SLC14A2: variants seen among roughly 807,000 people sequenced by gnomAD.
SLC14A2 encodes the protein solute carrier family 14 member 2.
A neutral mutation model predicts 104.6 loss-of-function variants in SLC14A2; 91 were observed. The ratio of observed to expected loss-of-function variants is 0.87; its 90% CI spans 0.73 to 1.04. The LOEUF (loss-of-function observed/expected upper bound fraction) is 1.04, where lower values mean the gene tolerates loss of function less well. SLC14A2 is among the 50% of genes least tolerant of loss of function. The pLI, the probability that SLC14A2 is intolerant of heterozygous loss-of-function variation, is 0.00. For missense variants in SLC14A2, 1,189 were observed against 1,156.0 expected (o/e 1.03, Z -0.41); for synonymous variants, 476 against 466.4 (o/e 1.02, Z -0.27).
intron 1 of SLC14A2, among the ~76,000 whole-genome samples, chr18:45,216,294 C>A (rs2084009875): frequency 6.6e-6 from 1 of 152,122 alleles, no homozygotes; most frequent in Non-Finnish European, 1.5e-5. Flanking sequence ...CAAGAAGCAC[C>A]TCTGTGTCCC....
intron 1 of SLC14A2, among the ~76,000 whole-genome samples, chr18:45,474,202 C>T (rs919536404): frequency 6.6e-6 from 1 of 152,166 alleles, no homozygotes; most frequent in African/African-American, 2.4e-5. Context: ...GTATATTGAA[C>T]CCCCTTGCAT....
intron 1 of SLC14A2, among the ~76,000 whole-genome samples, chr18:45,268,494 C>A (rs575942347): frequency 4.4e-4 from 67 of 152,346 alleles, no homozygotes; most frequent in African/African-American, 1.5e-3. Flanking sequence ...CAGTTGGACT[C>A]AAACTGACAG....
intron 1 of SLC14A2, among the ~76,000 whole-genome samples, chr18:45,622,681 A>C (rs2045193170): frequency 6.6e-6 from 1 of 152,128 alleles, no homozygotes; most frequent in Admixed American, 6.5e-5. Context: ...TGAAGGAGCA[A>C]CCAGAGAGGG....
intron 1 of SLC14A2, among the ~76,000 whole-genome samples, chr18:45,357,094 C>T (rs1398972568): frequency 3.9e-5 from 6 of 152,112 alleles, no homozygotes; most frequent in African/African-American, 7.2e-5. Context: ...GTTGGAGAGG[C>T]AGTCTGTAGC....
At chr18:45,528,470 C>A (rs896637401) in intron 2 of SLC14A2, 1 of 152,222 alleles carries the variant, frequency 6.6e-6, no homozygotes, top group East Asian at 1.9e-4. Flanking sequence ...GGGGCACTCA[C>A]CCCACAGGGT....
chr18:45,462,544 A>C (rs1189783178), intron 1 of SLC14A2, among the ~76,000 whole-genome samples: 1 of 152,002 alleles, frequency 6.6e-6, no homozygotes, highest in Non-Finnish European at 1.5e-5. Context: ...GTAGTCAGGG[A>C]GGCTGTTCTG....
intron 1 of SLC14A2, among the ~76,000 whole-genome samples, chr18:45,236,431 GTGTATATATACA>G: frequency 3.2e-5 from 1 of 31,082 alleles, no homozygotes; most frequent in Non-Finnish European, 5.4e-5. Flanking sequence ...GTGTATATAT[GTGTATATATACA>G]TGTATGTGTG....
chr18:45,488,418 G>A (rs2087654924), intron 2 of SLC14A2, among the ~76,000 whole-genome samples: 1 of 152,132 alleles, frequency 6.6e-6, no homozygotes, highest in Admixed American at 6.5e-5. Flanking sequence ...TGGCTTAGAA[G>A]GATTCCAGCA....
chr18:45,272,231 C>T (rs1298272462), intron 1 of SLC14A2, among the ~76,000 whole-genome samples: 2 of 152,026 alleles, frequency 1.3e-5, no homozygotes, highest in African/African-American at 4.8e-5. Flanking sequence ...ATCCAGCAAT[C>T]CCACTGCTGG....
intron 1 of SLC14A2, among the ~76,000 whole-genome samples, chr18:45,388,062 A>ATTTTTTTT (rs2085918320): frequency 9.0e-6 from 1 of 111,292 alleles, no homozygotes; most frequent in African/African-American, 3.5e-5. Context: ...CCTTGCTCAT[A>ATTTTTTTT]TCTTTTTTTT....
chr18:45,649,157 G>A (rs1292786006), intron 10 of SLC14A2, among the ~76,000 whole-genome samples: 8 of 148,874 alleles, frequency 5.4e-5, no homozygotes, highest in East Asian at 3.9e-4. Flanking sequence ...CTATGAGAGC[G>A]AGTGAGACTC....
chr18:45,213,402 T>A (rs759229209), intron 1 of SLC14A2, among the ~76,000 whole-genome samples: 38 of 152,354 alleles, frequency 2.5e-4, no homozygotes, highest in Non-Finnish European at 3.5e-4. Context: ...GAGATGGTAC[T>A]GGTCATCCTT....
At chr18:45,236,239 A>G (rs192262421) in intron 1 of SLC14A2, among the ~76,000 whole-genome samples, 576 of 41,298 alleles carry the variant, frequency 0.014, 105 homozygotes, top group Non-Finnish European at 0.018. Context: ...ATATATACAT[A>G]TATGTGTGTA....
At chr18:45,414,459 C>T (rs576919357) in intron 1 of SLC14A2, among the ~76,000 whole-genome samples, 1 of 151,432 alleles carries the variant, frequency 6.6e-6, no homozygotes, top group South Asian at 2.1e-4. Flanking sequence ...GAGAAAAGTC[C>T]TTCTTCCCTC....
At chr18:45,350,386 C>G (rs368480324) in intron 1 of SLC14A2, among the ~76,000 whole-genome samples, 1 of 152,146 alleles carries the variant, frequency 6.6e-6, no homozygotes. Context: ...ACACTCATAG[C>G]TCAAGGTCAC....
intron 5 of SLC14A2, among the ~76,000 whole-genome samples, chr18:45,636,786 A>G (rs894066898): frequency 2.6e-5 from 4 of 151,190 alleles, no homozygotes; most frequent in African/African-American, 9.7e-5. Flanking sequence ...TAAATTGGCA[A>G]AAAAAAAAGA....
chr18:45,643,146 T>C lies in SLC14A2; in HGVS notation c.1141T>C (p.Tyr381His), dbSNP rs1269163556. ...TTCCTCCACAGCCCTGTTCTGTGCA[T>C]ACATGGAAGCAGCCATCTCCAACAT... is the stretch of plus-strand genomic sequence containing the variant. ...LALICALFCAYMEAAISNIMS... is the reference protein window; with the variant it reads ...LALICALFCAHMEAAISNIMS... The change falls in exon 9 of 20, where the codon TAC becomes CAC. Residue 381 changes from tyrosine to histidine, a missense_variant. Coordinates refer to ENST00000255226, the MANE Select transcript of SLC14A2 (RefSeq NM_007163.4). The C allele has an allele frequency of 1.2e-6, 2 of 1,614,036 alleles. No homozygotes were observed. Among genetic ancestry groups the C allele is most frequent in the Non-Finnish European group, 1.7e-6 (2 of 1,180,016 alleles).
chr18:45,582,805 A>T (rs1044515400), intron 2 of SLC14A2, among the ~76,000 whole-genome samples: 20 of 152,076 alleles, frequency 1.3e-4, no homozygotes, highest in African/African-American at 4.8e-4. Flanking sequence ...CTCCAATGTG[A>T]CATACCCCTG....
At chr18:45,565,624 G>C (rs949925893) in intron 2 of SLC14A2, among the ~76,000 whole-genome samples, 1 of 152,186 alleles carries the variant, frequency 6.6e-6, no homozygotes, top group Admixed American at 6.5e-5. Flanking sequence ...CTGCACATCT[G>C]GTCGGTGGCA....
Sources: gnomAD v4.1 joint callset for allele counts (sites outside exome capture counted in the v4.1 genomes callset) on GRCh38, gnomAD v4.1.1 for gene constraint, MANE v1.5 for transcripts, NCBI Gene and HGNC (gene_info 2026-07-23, HGNC 2026-07-21) for gene names.